PRPF39: variants seen among roughly 807,000 people sequenced by gnomAD.
PRPF39 encodes pre-mRNA processing factor 39.
PRPF39 carries 27 observed loss-of-function variants against 82.1 expected under a neutral mutation model. That is an observed-to-expected ratio of 0.33 (90% CI 0.24 to 0.45). The LOEUF (loss-of-function observed/expected upper bound fraction) is 0.45, where lower values mean the gene tolerates loss of function less well. Among genes scored for constraint, PRPF39 ranks in the 20% least tolerant of loss-of-function variants. The pLI is 1.00. For missense variants in PRPF39, 581 were observed against 796.9 expected (o/e 0.73, Z 3.26); for synonymous variants, 261 against 256.4 (o/e 1.02, Z -0.17).
Position 45,108,523 on chromosome 14 carries a change from G to GT in PRPF39, c.1011+2dup. The GT allele has an allele frequency of 6.3e-7, 1 of 1,582,384 alleles. No individual in the cohort carries two copies. Among genetic ancestry groups the GT allele is most frequent in the Non-Finnish European group, 8.5e-7 (1 of 1,171,792 alleles). On this transcript the variant is annotated splice_donor_variant, in intron 7 of 13. Coordinates refer to ENST00000355765, the MANE Select transcript of PRPF39 (RefSeq NM_017922.4). LOFTEE classifies it high-confidence loss of function. ...TAAAAGGTGGACATTTGAAGAAGGT[G>GT]TAAGTGTTTTTGTTTTGTAATAGTC...
chr14:45,105,841 G>GT (rs1884514707), intron 5 of PRPF39, among the ~76,000 whole-genome samples: 1 of 151,896 alleles, frequency 6.6e-6, no homozygotes, highest in Non-Finnish European at 1.5e-5. Context: ...TTACTTTTTA[G>GT]TAACATTTCT....
chr14:45,091,219 G>T (rs1393687906), intron 1 of PRPF39, among the ~76,000 whole-genome samples: 2 of 152,070 alleles, frequency 1.3e-5, no homozygotes, highest in East Asian at 3.8e-4. Flanking sequence ...GTTCACTGCA[G>T]CCTTGAACTA....
chr14:45,101,460 CT>C (rs113037998), intron 4 of PRPF39, among the ~76,000 whole-genome samples: 27 of 148,466 alleles, frequency 1.8e-4, no homozygotes, highest in Admixed American at 6.1e-4. Flanking sequence ...TTGTAACAAA[CT>C]TTTTTTTTTT....
intron 8 of PRPF39, 102 bp from the exon 9 acceptor site, chr14:45,109,992 A>C: frequency 6.3e-7 from 1 of 1,579,302 alleles, no homozygotes; most frequent in Non-Finnish European, 8.6e-7. Context: ...GGTTCAATAA[A>C]GGTGCTGAAT....
intron 4 of PRPF39, among the ~76,000 whole-genome samples, chr14:45,098,967 A>G (rs997496271): frequency 2.0e-5 from 3 of 152,154 alleles, no homozygotes; most frequent in South Asian, 4.1e-4. Context: ...GTTGAAAATT[A>G]TTTTCTCCAT....
At chr14:45,112,739 A>G (rs962832116) in intron 11 of PRPF39, among the ~76,000 whole-genome samples, 4 of 152,238 alleles carry the variant, frequency 2.6e-5, no homozygotes, top group Non-Finnish European at 5.9e-5. Context: ...TAGAATGACA[A>G]TTTAAACCAT....
At position 45,115,952 on chromosome 14, in the gene PRPF39, G is replaced by C. The variant is rs185695419; in HGVS notation, c.*1039G>C. The C allele has an allele frequency of 1.3e-3, 559 of 431,398 alleles. 2 individuals are homozygous for C. Among genetic ancestry groups the C allele is most frequent in the Admixed American group, 3.4e-3 (99 of 29,488 alleles). 26.7% of individuals were successfully genotyped at this position (431,398 alleles called of 1,614,324 possible). A position where few individuals can be genotyped will look rare whatever the true frequency, so the allele number is the denominator to read the frequency against. ...GAGCCACTTAAGTTTACAACATGAG[G>C]TAAAAGGAAAAAGTTCTCCTTGACC... On this transcript the variant is annotated 3_prime_UTR_variant, in exon 14 of 14. Transcript: ENST00000355765.
In PRPF39 at chr14:45,093,388, A is replaced by G. The variant is rs369971770; in HGVS notation, c.-19-1833A>G. On this transcript the variant is annotated intron_variant, in intron 1 of 13. Coordinates refer to ENST00000355765, the MANE Select transcript of PRPF39 (RefSeq NM_017922.4). ...CAGACGTGTGCCACCACACCCTGCT[A>G]ATTTTTTGTATTTTTAGTAGAGATG... Among the ~76,000 whole-genome samples, 118 of 151,048 alleles carry G rather than the reference A, an allele frequency of 7.8e-4. 2 individuals are homozygous for G. In the South Asian group the frequency reaches 0.023, roughly 30 times the overall value.
At chr14:45,111,053 AC>A (rs1371898007) in intron 10 of PRPF39, 2 of 470,614 alleles carry the variant, frequency 4.2e-6, no homozygotes, top group Non-Finnish European at 7.5e-6. Context: ...ACATTGTGAT[AC>A]TTTATATTTT....
At chr14:45,095,992 T>A in intron 2 of PRPF39, 111 bp from the exon 3 acceptor site, 1 of 1,038,258 alleles carries the variant, frequency 9.6e-7, no homozygotes, top group Non-Finnish European at 1.4e-6. Context: ...GTGGAGTTTT[T>A]AAGCCTGCCA....
chr14:45,087,793 TAGAC>T (rs981590028), intron 1 of PRPF39, among the ~76,000 whole-genome samples: 1 of 149,738 alleles, frequency 6.7e-6, no homozygotes, highest in Non-Finnish European at 1.5e-5. Flanking sequence ...TTCACCGTGT[TAGAC>T]AGGATGGTCT....
intron 5 of PRPF39, among the ~76,000 whole-genome samples, chr14:45,105,557 C>T (rs1245908127): frequency 3.6e-5 from 5 of 139,958 alleles, no homozygotes; most frequent in African/African-American, 8.0e-5. Flanking sequence ...GGTGAAATCT[C>T]GCTCTGTTGC....
At chr14:45,093,868 T>A (rs1884118852) in intron 1 of PRPF39, among the ~76,000 whole-genome samples, 1 of 152,226 alleles carries the variant, frequency 6.6e-6, no homozygotes, top group Admixed American at 6.5e-5. Context: ...GCAGTCTTTT[T>A]CTTAATACAC....
intron 2 of PRPF39, 82 bp from the exon 3 acceptor site, chr14:45,096,021 G>C (rs1321709329): frequency 3.3e-6 from 4 of 1,218,246 alleles, no homozygotes; most frequent in African/African-American, 1.6e-5. Flanking sequence ...TATTTTTTTA[G>C]ATAATAACGT....
Position 45,110,790 on chromosome 14 carries a change from G to A in PRPF39, c.1545G>A (p.Val515=). 6.4e-7 allele frequency: 1 copy of A among 1,552,460 alleles called. No individual in the cohort carries two copies. Among genetic ancestry groups the A allele is most frequent in the Non-Finnish European group, 8.7e-7 (1 of 1,147,272 alleles). Residue 515 remains valine (V), a synonymous_variant, in exon 10 of 14, where the codon GTG becomes GTA. Coordinates refer to ENST00000355765, the MANE Select transcript of PRPF39 (RefSeq NM_017922.4). The surrounding 1 kb of genome is among the most constrained non-coding windows in gnomAD (Gnocchi z 4.0). ...AAAACCTTCCAAAATCAAGAAAGGT[G>A]CTTTTGGAAGCAATCGAAAGAGACA... ...IQKNLPKSRK[V]LLEAIERDKE...
In PRPF39 at chr14:45,108,467, A is replaced by G; in HGVS notation, c.956A>G (p.Glu319Gly). Residue 319 changes from glutamate to glycine, a missense_variant, in exon 7 of 14, where the codon GAA becomes GGA. Physicochemically the swap from Glu to Gly is moderately conservative, Grantham distance 98. Coordinates refer to ENST00000355765, the MANE Select transcript of PRPF39 (RefSeq NM_017922.4). ...CATAGAATCATTGAGATTCATCAAG[A>G]AATGTTTAATTATAATGAGCATGAA... ...MRHRIIEIHQ[E>G]MFNYNEHEVS... is the part of the protein sequence containing the mutation. 1 of 1,601,970 alleles carries G rather than the reference A, an allele frequency of 6.2e-7. No individual in the cohort carries two copies. Among genetic ancestry groups the G allele is most frequent in the Non-Finnish European group, 8.5e-7 (1 of 1,176,568 alleles).
intron 1 of PRPF39, among the ~76,000 whole-genome samples, chr14:45,087,789 G>A (rs549381038): frequency 1.9e-4 from 27 of 139,910 alleles, no homozygotes; most frequent in Middle Eastern, 4.2e-3. Flanking sequence ...GGATTTCACC[G>A]TGTTAGACAG....
At chr14:45,096,313 T>TTTTTTTA in intron 3 of PRPF39, 85 bp downstream of exon 3, 1 of 1,503,552 alleles carries the variant, frequency 6.7e-7, no homozygotes, top group South Asian at 1.3e-5. Flanking sequence ...TTTTTTTTTT[T>TTTTTTTA]TTTGGCTGGC....
Position 45,110,926 on chromosome 14 carries a change from A to G in PRPF39, c.1572+109A>G, listed in dbSNP as rs75940101. 31,191 of 1,097,266 alleles carry G rather than the reference A, an allele frequency of 0.028. 519 individuals are homozygous for G. Among genetic ancestry groups the G allele is most frequent in the Non-Finnish European group, 0.035 (27,412 of 785,218 alleles). The allele number at this position is 1,097,266 out of a possible 1,614,324, so 68.0% of individuals were successfully genotyped here. A position where few individuals can be genotyped will look rare whatever the true frequency, so the allele number is the denominator to read the frequency against. On this transcript the variant is annotated intron_variant, in intron 10 of 13. Coordinates refer to ENST00000355765, the MANE Select transcript of PRPF39 (RefSeq NM_017922.4). The surrounding 1 kb of genome is among the most constrained non-coding windows in gnomAD (Gnocchi z 4.0). The stretch of plus-strand genomic sequence containing the variant: ...ATTTGGTCTGTATGTAATAGATTTT[A>G]TTACTAAATGAGGACAACAGTCCCT...
Sources: allele counts gnomAD v4.1 joint callset (sites outside exome capture counted in the v4.1 genomes callset), GRCh38; gene constraint gnomAD v4.1.1; non-coding constraint Gnocchi (gnomAD v3.1); transcripts MANE v1.5; gene names NCBI Gene and HGNC (gene_info 2026-07-23, HGNC 2026-07-21).